The following XRN2 variants were observed in gnomAD, a reference collection of about 807,000 sequenced individuals.
XRN2 encodes the protein DHM1-like protein.
XRN2 carries 44 observed loss-of-function variants against 138.5 expected under a neutral mutation model. The ratio of observed to expected loss-of-function variants is 0.32; its 90% CI spans 0.25 to 0.41. The LOEUF is 0.41. Among genes scored for constraint, XRN2 ranks in the 10% least tolerant of loss-of-function variants. The pLI is 1.00. For synonymous variants in XRN2, 354 were observed against 369.4 expected, an observed-to-expected ratio of 0.96 and a Z score of 0.48; for missense variants, 937 against 1,169.3, an observed-to-expected ratio of 0.80 and a Z score of 2.90.
chr20:21,335,546 T>G (rs1345508051), intron 13 of XRN2, among the ~76,000 whole-genome samples: 1 of 152,248 alleles, frequency 6.6e-6, no homozygotes, highest in Non-Finnish European at 1.5e-5. Context: ...TCCAAAAGCC[T>G]TCAGTACTTG....
At chr20:21,356,024 G>T in intron 21 of XRN2, 56 bp from the exon 22 acceptor site, 1 of 1,261,698 alleles carries the variant, frequency 7.9e-7, no homozygotes, top group Admixed American at 2.1e-5. Flanking sequence ...CATAAAAATT[G>T]GTCTTGCAGG....
At chr20:21,331,358 CTTTA>C (rs947306936) in intron 6 of XRN2, among the ~76,000 whole-genome samples, 199 bp from the exon 7 acceptor site, 34 of 150,462 alleles carry the variant, frequency 2.3e-4, no homozygotes, top group South Asian at 2.1e-4. Flanking sequence ...CACACCCCTT[CTTTA>C]TTCAGAAAAT....
At chr20:21,329,170 G>GT (rs2122207257) in intron 4 of XRN2, among the ~76,000 whole-genome samples, 1 of 152,264 alleles carries the variant, frequency 6.6e-6, no homozygotes, top group African/African-American at 2.4e-5. Flanking sequence ...TTCAATATAG[G>GT]TTGATGGAGC....
intron 23 of XRN2, 92 bp from the exon 24 acceptor site, chr20:21,357,644 C>T: frequency 3.9e-6 from 4 of 1,021,064 alleles, no homozygotes; most frequent in Non-Finnish European, 5.6e-6. Flanking sequence ...TTTATCTTTT[C>T]TAAAGACTAA....
intron 1 of XRN2, among the ~76,000 whole-genome samples, chr20:21,315,696 A>G (rs556939792): frequency 6.6e-6 from 1 of 152,068 alleles, no homozygotes; most frequent in Admixed American, 6.5e-5. Context: ...GTTTTGCCAT[A>G]TTGCCCAGGC....
intron 28 of XRN2, among the ~76,000 whole-genome samples, chr20:21,385,815 T>C (rs532557167): frequency 1.4e-3 from 208 of 152,318 alleles, no homozygotes; most frequent in African/African-American, 4.4e-3. Flanking sequence ...GAAATTCTTA[T>C]GCTGATATGG....
At chr20:21,352,016 C>T (rs76437772) in intron 20 of XRN2, among the ~76,000 whole-genome samples, 5,911 of 152,252 alleles carry the variant, frequency 0.039, 164 homozygotes, top group Middle Eastern at 0.075. Flanking sequence ...TATTCATATT[C>T]AAGGTCCGTT....
chr20:21,368,733 A>G (rs570851955), intron 27 of XRN2, 143 bp downstream of exon 27: 1 of 1,139,660 alleles, frequency 8.8e-7, no homozygotes. Context: ...AAGAGTTGTG[A>G]GAGAATACCT....
At chr20:21,349,502 A>T (rs775743254) in intron 20 of XRN2, 41 bp downstream of exon 20, 1 of 1,382,958 alleles carries the variant, frequency 7.2e-7, no homozygotes, top group East Asian at 2.3e-5. Flanking sequence ...CTGTGAACAA[A>T]CATAATTTTT....
intron 27 of XRN2, among the ~76,000 whole-genome samples, chr20:21,376,516 G>T (rs1568598085): frequency 6.6e-6 from 1 of 152,108 alleles, no homozygotes; most frequent in Non-Finnish European, 1.5e-5. Flanking sequence ...TTGGGCACTA[G>T]TCTGTTTGTT....
At chr20:21,352,245 C>T (rs2038518810) in intron 20 of XRN2, among the ~76,000 whole-genome samples, 1 of 152,046 alleles carries the variant, frequency 6.6e-6, no homozygotes, top group Non-Finnish European at 1.5e-5. Flanking sequence ...TAAGCTCTTA[C>T]CTGGGTTGAG....
At chr20:21,376,547 A>G (rs1354911666) in intron 27 of XRN2, among the ~76,000 whole-genome samples, 1 of 152,202 alleles carries the variant, frequency 6.6e-6, no homozygotes, top group Non-Finnish European at 1.5e-5. Flanking sequence ...TAAAAACTCT[A>G]GAAGAATTAA....
chr20:21,303,623 C>T, intron 1 of XRN2, 150 bp downstream of exon 1: 1 of 1,362,290 alleles, frequency 7.3e-7, no homozygotes, highest in South Asian at 1.8e-5. Flanking sequence ...GCCCCACACG[C>T]GATGGGACGC....
intron 17 of XRN2, among the ~76,000 whole-genome samples, chr20:21,347,281 G>C (rs981227221): frequency 6.6e-6 from 1 of 152,178 alleles, no homozygotes; most frequent in African/African-American, 2.4e-5. Context: ...ATAATATAGT[G>C]ATGATACATG....
At position 21,333,808 on chromosome 20, in the gene XRN2, C is replaced by T. The variant is rs1026474504; in HGVS notation, c.1038C>T (p.Phe346=). The change falls in exon 11 of 30, where the codon TTC becomes TTT. Residue 346 remains phenylalanine (F), a synonymous_variant. Coordinates refer to ENST00000377191, the MANE Select transcript of XRN2 (RefSeq NM_012255.5). ...VFMCFFVGND[F]LPHLPSLEIR... is the part of the protein sequence containing the mutation. Reference sequence around the variant, plus strand: ...TGTGCTTCTTTGTGGGAAATGACTTCCTCCCTCATTTGCCATCGTTAGAGA... The same window carrying T: ...TGTGCTTCTTTGTGGGAAATGACTTTCTCCCTCATTTGCCATCGTTAGAGA... The T allele has an allele frequency of 1.2e-6, 2 of 1,614,002 alleles. No homozygotes were observed. Among genetic ancestry groups the T allele is most frequent in the African/African-American group, 2.7e-5 (2 of 74,908 alleles).
At chr20:21,374,479 C>T (rs574158978) in intron 27 of XRN2, among the ~76,000 whole-genome samples, 1 of 152,190 alleles carries the variant, frequency 6.6e-6, no homozygotes, top group African/African-American at 2.4e-5. Flanking sequence ...ACCTTTATCA[C>T]ACTGAGGAAG....
At chr20:21,364,650 T>TA (rs1364591668) in intron 24 of XRN2, among the ~76,000 whole-genome samples, 1 of 151,962 alleles carries the variant, frequency 6.6e-6, no homozygotes, top group African/African-American at 2.4e-5. Context: ...CTACAAAAAA[T>TA]ACAAAAATTA....
At chr20:21,341,771 A>C (rs1321227456) in intron 15 of XRN2, among the ~76,000 whole-genome samples, 1 of 152,206 alleles carries the variant, frequency 6.6e-6, no homozygotes, top group Non-Finnish European at 1.5e-5. Context: ...CCCATCATTC[A>C]AGATTTTAGT....
intron 27 of XRN2, among the ~76,000 whole-genome samples, chr20:21,375,978 A>G (rs1227961591): frequency 1.3e-5 from 2 of 151,484 alleles, no homozygotes; most frequent in Admixed American, 1.3e-4. Flanking sequence ...AGCTCGGACT[A>G]CAGGCGCCCG....
Sources: gnomAD v4.1 joint callset for allele counts (sites outside exome capture counted in the v4.1 genomes callset) on GRCh38, gnomAD v4.1.1 for gene constraint, MANE v1.5 for transcripts, NCBI Gene and HGNC (gene_info 2026-07-23, HGNC 2026-07-21) for gene names.